TRAPPC10: variants seen among roughly 807,000 people sequenced by gnomAD.
The protein encoded by TRAPPC10 is trafficking protein particle complex subunit 10.
A neutral mutation model predicts 125.5 loss-of-function variants in TRAPPC10; 23 were observed. The observed-to-expected ratio is 0.18, with a 90% CI of 0.13 to 0.26. The LOEUF (loss-of-function observed/expected upper bound fraction) is 0.26, where lower values mean the gene tolerates loss of function less well. TRAPPC10 is among the 10% of genes least tolerant of loss of function. The pLI is 1.00. For missense variants in TRAPPC10, 1,123 were observed against 1,308.4 expected (o/e 0.86, Z 2.19); for synonymous variants, 509 against 518.0 (o/e 0.98, Z 0.24).
chr21:44,041,053 A>G (rs560385808), intron 3 of TRAPPC10, among the ~76,000 whole-genome samples: 1 of 152,210 alleles, frequency 6.6e-6, no homozygotes, highest in Non-Finnish European at 1.5e-5. Flanking sequence ...ATAATTCACA[A>G]GTGGTTGATC....
At chr21:44,074,181 G>C in intron 7 of TRAPPC10, 143 bp from the exon 8 acceptor site, 1 of 921,952 alleles carries the variant, frequency 1.1e-6, no homozygotes, top group Non-Finnish European at 1.6e-6. Context: ...CTCTCCTGTA[G>C]CTCTGCATAT....
intron 13 of TRAPPC10, among the ~76,000 whole-genome samples, chr21:44,081,017 CT>C (rs67865929): frequency 0.15 from 14,200 of 96,674 alleles, 672 homozygotes; most frequent in African/African-American, 0.28. Context: ...TTTTTTTTTT[CT>C]TTTTTTTTTT....
rs147630512 is a variant in TRAPPC10, at chr21:44,018,432, G to A, written c.67+5872G>A. Among the ~76,000 whole-genome samples the A allele has an allele frequency of 1.9e-3, 291 of 152,164 alleles. 1 individual carries two copies. Among genetic ancestry groups the A allele is most frequent in the Middle Eastern group, 6.8e-3 (2 of 294 alleles). ...AAAAAAAATAAAGGCTGGGCGCAGT[G>A]ACTCATGGCCATAATCCCAGCACTT... On this transcript the variant is annotated intron_variant, in intron 1 of 22. Transcript: ENST00000291574.
rs142172623 is a variant in TRAPPC10 at position 44,053,890 on chromosome 21, C to G, written c.482+1414C>G. ...AATGATTTAGGCTTGATGTGAACTT[C>G]TGAAGTGTAGTTCTTTTTTACTTAA... On this transcript the variant is annotated intron_variant, in intron 4 of 22. Coordinates refer to ENST00000291574, the MANE Select transcript of TRAPPC10 (RefSeq NM_003274.5). Among the ~76,000 whole-genome samples, 436 of 150,818 alleles carry G rather than the reference C, an allele frequency of 2.9e-3. 2 individuals carry two copies. Among genetic ancestry groups the G allele is most frequent in the African/African-American group, 0.01 (421 of 40,384 alleles).
chr21:44,066,330 C>A (rs1036038795), intron 7 of TRAPPC10, among the ~76,000 whole-genome samples: 1 of 152,204 alleles, frequency 6.6e-6, no homozygotes, highest in African/African-American at 2.4e-5. Context: ...GGGAGCAAGA[C>A]GGCCGGATAG....
intron 1 of TRAPPC10, among the ~76,000 whole-genome samples, chr21:44,014,593 GT>G (rs374497169): frequency 0.025 from 3,376 of 136,710 alleles, 139 homozygotes; most frequent in African/African-American, 0.083. Context: ...GTTTGTTTTT[GT>G]TTTTTTTTTT....
At chr21:44,072,409 C>T (rs940752895) in intron 7 of TRAPPC10, among the ~76,000 whole-genome samples, 1 of 152,182 alleles carries the variant, frequency 6.6e-6, no homozygotes, top group African/African-American at 2.4e-5. Context: ...GCATCTTTAC[C>T]AAAAGCACTG....
intron 1 of TRAPPC10, among the ~76,000 whole-genome samples, chr21:44,014,198 T>C (rs1374145662): frequency 6.6e-6 from 1 of 152,248 alleles, no homozygotes; most frequent in Non-Finnish European, 1.5e-5. Flanking sequence ...TAAGCTCTAT[T>C]GGATTCAACC....
chr21:44,079,549 T>C lies in TRAPPC10; in HGVS notation c.1470-15T>C, dbSNP rs371463349. On this transcript the variant is annotated splice_polypyrimidine_tract_variant and intron_variant, in intron 11 of 22. Coordinates refer to ENST00000291574, the MANE Select transcript of TRAPPC10 (RefSeq NM_003274.5). The stretch of plus-strand genomic sequence containing the variant: ...CCTAGCTGTAATGAAAGCTACTGTT[T>C]GTTGACTTTGCAAGGAGGAAAAAGG... 1.5e-5 allele frequency: 24 copies of C among 1,584,100 alleles called. No homozygotes were observed. In the African/African-American group the frequency reaches 2.2e-4, roughly 15 times the overall value.
At chr21:44,040,101 T>G (rs1280260912) in intron 3 of TRAPPC10, among the ~76,000 whole-genome samples, 1 of 152,210 alleles carries the variant, frequency 6.6e-6, no homozygotes, top group African/African-American at 2.4e-5. Context: ...TTGGACAGTA[T>G]GTATCATAGT....
At chr21:44,085,015 T>C (rs1441736348) in intron 15 of TRAPPC10, among the ~76,000 whole-genome samples, 1 of 152,206 alleles carries the variant, frequency 6.6e-6, no homozygotes, top group Non-Finnish European at 1.5e-5. Context: ...GACCCTGTCC[T>C]TTGGTTTTTA....
chr21:44,016,061 A>T (rs1016258933), intron 1 of TRAPPC10, among the ~76,000 whole-genome samples: 22 of 152,306 alleles, frequency 1.4e-4, no homozygotes, highest in Admixed American at 9.8e-4. Context: ...ATGTGCAGGG[A>T]TGGGAGCTGA....
At chr21:44,061,180 A>C (rs2036024067) in intron 6 of TRAPPC10, among the ~76,000 whole-genome samples, 1 of 152,150 alleles carries the variant, frequency 6.6e-6, no homozygotes. Context: ...TCTGTAGCCC[A>C]GGCTGGAGTG....
intron 3 of TRAPPC10, among the ~76,000 whole-genome samples, chr21:44,049,441 CTTGCCTGGCAG>C (rs2035083183): frequency 6.6e-6 from 1 of 152,230 alleles, no homozygotes; most frequent in South Asian, 2.1e-4. Context: ...CATTCCCACA[CTTGCCTGGCAG>C]TGTGCCTGGC....
At chr21:44,050,556 T>A (rs920054711) in intron 3 of TRAPPC10, among the ~76,000 whole-genome samples, 2 of 152,194 alleles carry the variant, frequency 1.3e-5, no homozygotes, top group African/African-American at 4.8e-5. Flanking sequence ...CTGGGCCCTG[T>A]TGGCCTTTTG....
intron 10 of TRAPPC10, among the ~76,000 whole-genome samples, chr21:44,077,005 G>A (rs538845984): frequency 1.8e-4 from 28 of 152,284 alleles, no homozygotes; most frequent in East Asian, 1.2e-3. Context: ...TTTAAAAAAC[G>A]GCGTAGGCAG....
intron 7 of TRAPPC10, among the ~76,000 whole-genome samples, chr21:44,070,186 C>T (rs962948773): frequency 2.0e-5 from 3 of 152,086 alleles, no homozygotes; most frequent in African/African-American, 7.2e-5. Flanking sequence ...GTGGGTTGCA[C>T]TCAAGTGGTA....
At chr21:44,075,286 T>TAG in intron 9 of TRAPPC10, 133 bp downstream of exon 9, 3 of 636,614 alleles carry the variant, frequency 4.7e-6, no homozygotes, top group Non-Finnish European at 8.4e-6. Context: ...TACCCATTGT[T>TAG]AGCTGACTGG....
At chr21:44,020,294 T>C (rs2032365950) in intron 1 of TRAPPC10, among the ~76,000 whole-genome samples, 1 of 151,866 alleles carries the variant, frequency 6.6e-6, no homozygotes, top group Non-Finnish European at 1.5e-5. Flanking sequence ...ACCTGGCTAA[T>C]TTTTTTGTAT....
Sources: gnomAD v4.1 joint callset for allele counts (sites outside exome capture counted in the v4.1 genomes callset) on GRCh38, gnomAD v4.1.1 for gene constraint, MANE v1.5 for transcripts, NCBI Gene and HGNC (gene_info 2026-07-23, HGNC 2026-07-21) for gene names.